Variants in DNMT3B observed in about 807,000 individuals in gnomAD.
DNMT3B encodes DNA (cytosine-5)-methyltransferase 3B.
A neutral mutation model predicts 120.2 loss-of-function variants in DNMT3B; 37 were observed. The ratio of observed to expected loss-of-function variants is 0.31; its 90% CI spans 0.24 to 0.40. The LOEUF (loss-of-function observed/expected upper bound fraction) is 0.40. Among genes scored for constraint, DNMT3B ranks in the 10% least tolerant of loss-of-function variants. DNMT3B has a pLI of 1.00. For synonymous variants in DNMT3B, 412 were observed against 442.8 expected (o/e 0.93, Z 0.87); for missense variants, 878 against 1,137.3 (o/e 0.77, Z 3.28).
intron 1 of DNMT3B, among the ~76,000 whole-genome samples, chr20:32,767,240 A>C (rs6087993): frequency 2.0e-5 from 3 of 152,030 alleles, no homozygotes; most frequent in Non-Finnish European, 4.4e-5. Flanking sequence ...TTATGGGTAC[A>C]ACATCATTTA....
At chr20:32,773,772 C>T (rs1419753975) in intron 1 of DNMT3B, among the ~76,000 whole-genome samples, 2 of 151,764 alleles carry the variant, frequency 1.3e-5, no homozygotes, top group Non-Finnish European at 2.9e-5. Flanking sequence ...GCTAGGACTA[C>T]AGGGGCAGGC....
chr20:32,795,367 C>T (rs902873630), intron 10 of DNMT3B, 42 bp from the exon 11 acceptor site: 4 of 1,613,212 alleles, frequency 2.5e-6, no homozygotes, highest in Non-Finnish European at 2.5e-6. Flanking sequence ...CTCTCTGGAC[C>T]CTCCTACCAA....
chr20:32,771,071 T>C (rs1321849656), intron 1 of DNMT3B, among the ~76,000 whole-genome samples: 1 of 152,190 alleles, frequency 6.6e-6, no homozygotes, highest in Non-Finnish European at 1.5e-5. Flanking sequence ...GAATATAACA[T>C]TTCTAGCTTT....
chr20:32,803,417 TG>T lies in DNMT3B; in HGVS notation c.2231+948del, dbSNP rs576551330. Among the ~76,000 whole-genome samples the T allele has an allele frequency of 5.3e-3, 810 of 152,320 alleles. 8 individuals are homozygous for T. Among genetic ancestry groups the T allele is most frequent in the Admixed American group, 0.022 (344 of 15,296 alleles). The stretch of plus-strand genomic sequence containing the variant: ...GTCCTGGGGTAGCTTGGAGGATTTT[TG>T]TTGGTCACCTTGCCCGTGTACTTGG... On this transcript the variant is annotated intron_variant, in intron 20 of 22. Coordinates refer to ENST00000328111, the MANE Select transcript of DNMT3B (RefSeq NM_006892.4).
chr20:32,787,079 G>T, intron 5 of DNMT3B, 151 bp from the exon 6 acceptor site: 1 of 898,776 alleles, frequency 1.1e-6, no homozygotes, highest in South Asian at 1.4e-5. Flanking sequence ...AGGGATACGT[G>T]TTCCTGGAAA....
intron 1 of DNMT3B, among the ~76,000 whole-genome samples, chr20:32,770,203 C>T (rs1987632950): frequency 6.6e-6 from 1 of 152,122 alleles, no homozygotes; most frequent in Non-Finnish European, 1.5e-5. Flanking sequence ...ACCTCCACCT[C>T]CTGGGTTCAA....
intron 1 of DNMT3B, among the ~76,000 whole-genome samples, chr20:32,767,012 T>C (rs185300598): frequency 1.3e-3 from 195 of 152,268 alleles, no homozygotes; most frequent in African/African-American, 4.7e-3. Flanking sequence ...TGCGTCAGCC[T>C]CCTGAGTACC....
chr20:32,801,449 T>C (rs1300446146), intron 19 of DNMT3B, 23 bp downstream of exon 19: 16 of 1,613,438 alleles, frequency 9.9e-6, no homozygotes, highest in Non-Finnish European at 1.4e-5. Context: ...GGGGACCTGA[T>C]TGTCACAGAC....
rs970776221 is a variant in DNMT3B at position 32,792,715 on chromosome 20, C to T, written c.1011C>T (p.His337=). 35 of 1,614,128 alleles carry T rather than the reference C, an allele frequency of 2.2e-5. No individual in the cohort carries two copies. Among genetic ancestry groups the T allele is most frequent in the Admixed American group, 3.3e-5 (2 of 60,010 alleles). Residue 337 remains histidine, a synonymous_variant, in exon 9 of 23, where the codon CAC becomes CAT. Coordinates refer to ENST00000328111, the MANE Select transcript of DNMT3B (RefSeq NM_006892.4). ...TGAAGCCCATGTTGGAGTGGGCCCA[C>T]GGGGGCTTCAAGCCCACTGGGATCG... is the stretch of plus-strand genomic sequence containing the variant. ...DQLKPMLEWA[H]GGFKPTGIEG... is the part of the protein sequence containing the mutation.
At chr20:32,784,347 C>A (rs142587359) in intron 3 of DNMT3B, among the ~76,000 whole-genome samples, 8 of 152,292 alleles carry the variant, frequency 5.3e-5, no homozygotes, top group Non-Finnish European at 8.8e-5. Context: ...TTATTTGATT[C>A]TTGATGTAAC....
chr20:32,770,869 CCCA>C (rs1488519923), intron 1 of DNMT3B, among the ~76,000 whole-genome samples: 3 of 152,198 alleles, frequency 2.0e-5, no homozygotes, highest in Non-Finnish European at 2.9e-5. Context: ...GCCTCAGCCT[CCCA>C]AAGTGCTGGG....
chr20:32,791,521 A>C (rs1601101889), intron 7 of DNMT3B, 80 bp from the exon 8 acceptor site: 1 of 1,348,068 alleles, frequency 7.4e-7, no homozygotes, highest in East Asian at 2.3e-5. Flanking sequence ...AATCTTCTGC[A>C]TCTGATGGAC....
Position 32,805,354 on chromosome 20 carries a change from A to C in DNMT3B, c.2248A>C (p.Lys750Gln). The change falls in exon 21 of 23, where the codon AAG becomes CAG. Residue 750 changes from lysine to glutamine, a missense_variant. By Grantham distance (53) the Lys-to-Gln change is moderately conservative. Transcript: ENST00000328111. ...PGMNRPVIAS[K>Q]NDKLELQDCL... ...TGTTCCCAGGCCCGTGATAGCATCA[A>C]AGAATGATAAACTCGAGCTGCAGGA... 6.2e-7 allele frequency: 1 copy of C among 1,614,196 alleles called. No individual in the cohort carries two copies. The highest frequency in any genetic ancestry group is 8.5e-7 in the Non-Finnish European group (1 of 1,180,030).
chr20:32,803,233 G>A (rs186192302), intron 20 of DNMT3B, among the ~76,000 whole-genome samples: 12 of 152,342 alleles, frequency 7.9e-5, no homozygotes, highest in Admixed American at 5.9e-4. Context: ...TCTATATGTG[G>A]TTTCAAGGAG....
intron 3 of DNMT3B, among the ~76,000 whole-genome samples, chr20:32,783,169 C>T (rs1028032720): frequency 2.0e-5 from 3 of 152,124 alleles, no homozygotes; most frequent in African/African-American, 7.2e-5. Context: ...TCAAGTGAGC[C>T]ACCTGTCCCG....
chr20:32,772,743 T>G (rs941500679), intron 1 of DNMT3B, among the ~76,000 whole-genome samples: 6 of 152,220 alleles, frequency 3.9e-5, no homozygotes, highest in Admixed American at 3.9e-4. Context: ...CCTAGTTTTT[T>G]TTTTCCTGTT....
intron 1 of DNMT3B, among the ~76,000 whole-genome samples, chr20:32,779,416 G>A (rs1050058883): frequency 6.6e-6 from 1 of 152,194 alleles, no homozygotes; most frequent in African/African-American, 2.4e-5. Context: ...GTCTCCCTAG[G>A]GGGAGATACA....
chr20:32,773,934 G>GTGTTTTTTTTTTTTTTT, intron 1 of DNMT3B, among the ~76,000 whole-genome samples: 1 of 69,152 alleles, frequency 1.4e-5, no homozygotes, highest in Admixed American at 2.3e-4. Context: ...CCCGGCAGTG[G>GTGTTTTTTTTTTTTTTT]TTTTTTTTTT....
At chr20:32,785,862 TTTTCTTTC>T (rs10623814) in intron 4 of DNMT3B, among the ~76,000 whole-genome samples, 3 of 149,200 alleles carry the variant, frequency 2.0e-5, no homozygotes, top group Admixed American at 6.6e-5. Context: ...GAACACGAAT[TTTTCTTTC>T]TTTCTTTCTT....
Sources: allele counts gnomAD v4.1 joint callset (sites outside exome capture counted in the v4.1 genomes callset), GRCh38; gene constraint gnomAD v4.1.1; transcripts MANE v1.5; gene names NCBI Gene and HGNC (gene_info 2026-07-23, HGNC 2026-07-21).